Variants in IL10RA observed in about 807,000 individuals in gnomAD.
IL10RA encodes interleukin 10 receptor subunit alpha.
In IL10RA, 18 loss-of-function variants were observed where a neutral mutation model predicts 29.6. The observed-to-expected ratio is 0.61, with a 90% CI of 0.42 to 0.90. The LOEUF (loss-of-function observed/expected upper bound fraction) is 0.90. Among genes scored for constraint, IL10RA ranks in the 40% least tolerant of loss-of-function variants. The pLI is 0.00. For synonymous variants in IL10RA, 292 were observed against 294.1 expected (o/e 0.99, Z 0.07); for missense variants, 634 against 716.6 (o/e 0.88, Z 1.32).
At chr11:118,002,372 G>C (rs1209404950), downstream of IL10RA, 1 of 152,204 alleles carries the variant, frequency 6.6e-6, no homozygotes, top group Non-Finnish European at 1.5e-5. Flanking sequence ...AGGAAGTGCT[G>C]ATCCTATCAT....
chr11:118,001,320 T>C lies in IL10RA; in HGVS notation c.*1679T>C. The C allele has an allele frequency of 2.2e-6, 1 of 454,240 alleles. No individual in the cohort carries two copies. The highest frequency in any genetic ancestry group is 4.4e-6 in the Non-Finnish European group (1 of 226,828). 28.1% of individuals were successfully genotyped at this position (454,240 alleles called of 1,614,324 possible). The stretch of plus-strand genomic sequence containing the variant: ...GACCTTGGAGAAGTCACTTATCCTC[T>C]TGGAGCCTCAGTTTCCTCATCTGCA... On this transcript the variant is annotated 3_prime_UTR_variant, in exon 7 of 7. Coordinates refer to ENST00000227752, the MANE Select transcript of IL10RA (RefSeq NM_001558.4).
At chr11:117,987,070 A>C (rs563702755) in intron 1 of IL10RA, 15 of 362,650 alleles carry the variant, frequency 4.1e-5, no homozygotes, top group Non-Finnish European at 7.1e-5. Context: ...TCAGGCTTCT[A>C]ACCCAGTTCA....
intron 5 of IL10RA, among the ~76,000 whole-genome samples, chr11:117,994,568 G>C (rs560226251): frequency 2.6e-5 from 4 of 152,280 alleles, no homozygotes; most frequent in Non-Finnish European, 5.9e-5. Flanking sequence ...TCTGCTCCTC[G>C]CCAGAGCTGC....
chr11:117,986,715 A>C, intron 1 of IL10RA, 181 bp downstream of exon 1: 2 of 1,534,112 alleles, frequency 1.3e-6, no homozygotes, highest in Non-Finnish European at 1.7e-6. Flanking sequence ...AAGAGGCTGA[A>C]ATTGACAGGA....
At position 118,000,085 on chromosome 11, in the gene IL10RA, G is replaced by A. The variant is rs1031184076; in HGVS notation, c.*444G>A. 1.1e-5 allele frequency: 5 copies of A among 458,012 alleles called. No individual in the cohort carries two copies. Among genetic ancestry groups the A allele is most frequent in the African/African-American group, 6.0e-5 (3 of 50,114 alleles). The allele number at this position is 458,012 out of a possible 1,614,324, so 28.4% of individuals were successfully genotyped here. The stretch of plus-strand genomic sequence containing the variant: ...AGAGCTTCCAGCAGGAGGAAGGGCT[G>A]TAGGAATGGAAGCTTCAGGGCCTTG... On this transcript the variant is annotated 3_prime_UTR_variant, in exon 7 of 7. Coordinates refer to ENST00000227752, the MANE Select transcript of IL10RA (RefSeq NM_001558.4).
chr11:117,988,501 A>G lies in IL10RA; in HGVS notation c.187A>G (p.Arg63Gly), dbSNP rs772622916. 18 of 1,613,646 alleles carry G rather than the reference A, an allele frequency of 1.1e-5. No homozygotes were observed. In the East Asian group the frequency reaches 3.6e-4, roughly 32 times the overall value. ...ESTCYEVALL[R>G]YGIESWNSIS... ...TACCTGCTATGAAGTGGCGCTCCTG[A>G]GGTGAGGAAAAGGGAAGAGGGAGGG... Residue 63 changes from arginine to glycine, a missense_variant and splice_region_variant, in exon 2 of 7, where the codon AGG (arginine) becomes GGG (glycine). Coordinates refer to ENST00000227752, the MANE Select transcript of IL10RA (RefSeq NM_001558.4).
intron 6 of IL10RA, among the ~76,000 whole-genome samples, chr11:117,996,802 C>G (rs976425738): frequency 6.6e-6 from 1 of 152,148 alleles, no homozygotes; most frequent in Non-Finnish European, 1.5e-5. Context: ...AGGCTGGTCT[C>G]GAACTCCTGA....
chr11:118,001,771 T>C (rs2135001187), downstream of IL10RA: 1 of 228,676 alleles, frequency 4.4e-6, no homozygotes, highest in South Asian at 6.1e-5. Flanking sequence ...ACATAAAAAG[T>C]TTAACATGGT....
In IL10RA at chr11:117,999,418, C is replaced by T. The variant is rs772617783; in HGVS notation, c.1514C>T (p.Thr505Ile). The T allele has an allele frequency of 1.9e-6, 3 of 1,614,226 alleles. No homozygotes were observed. The highest frequency in any genetic ancestry group is 1.7e-6 in the Non-Finnish European group (2 of 1,180,044). ...GYLKQDPLEM[T>I]LASSGAPTGQ... is the part of the protein sequence containing the mutation. Reference sequence around the variant, plus strand: ...TTGAAACAGGATCCTCTAGAAATGACTCTGGCTTCCTCAGGGGCCCCAACG... The same window carrying T: ...TTGAAACAGGATCCTCTAGAAATGATTCTGGCTTCCTCAGGGGCCCCAACG... Residue 505 changes from threonine (T) to isoleucine (I), a missense_variant, in exon 7 of 7, where the codon ACT becomes ATT. By Grantham distance (89) the Thr-to-Ile change is moderately conservative (BLOSUM62 -1). Coordinates refer to ENST00000227752, the MANE Select transcript of IL10RA (RefSeq NM_001558.4).
intron 3 of IL10RA, among the ~76,000 whole-genome samples, chr11:117,992,705 C>T (rs1000964535): frequency 1.3e-5 from 2 of 152,046 alleles, no homozygotes; most frequent in African/African-American, 4.8e-5. Context: ...TGATGCAATC[C>T]CATTTGTCTA....
chr11:117,989,589 C>A lies in IL10RA; in HGVS notation c.336C>A (p.Thr112=). Residue 112 remains threonine (T), a synonymous_variant, in exon 3 of 7, where the codon ACC becomes ACA. Coordinates refer to ENST00000227752, the MANE Select transcript of IL10RA (RefSeq NM_001558.4). This position sits in a 1 kb window ranked among gnomAD's most constrained non-coding sequence, Gnocchi z 4.5. ...ACGGCAGCCGGCACTCCAACTGGAC[C>A]GTCACCAACACCCGCTTCTCTGTGG... ...AVDGSRHSNW[T]VTNTRFSVDE... 1 of 1,614,118 alleles carries A rather than the reference C, an allele frequency of 6.2e-7. No individual in the cohort carries two copies. Among genetic ancestry groups the A allele is most frequent in the Non-Finnish European group, 8.5e-7 (1 of 1,180,036 alleles).
At position 117,999,373 on chromosome 11, in the gene IL10RA, C is replaced by T. The variant is rs528675736; in HGVS notation, c.1469C>T (p.Pro490Leu). 2.5e-6 allele frequency: 4 copies of T among 1,614,196 alleles called. No homozygotes were observed. The South Asian group carries it at 4.4e-5, about 18-fold the overall frequency. ...GTTGATGAGGCAGGCTTGCATCCAC[C>T]AGCCCTGGCCAAGGGCTATTTGAAA... ...CLVDEAGLHP[P>L]ALAKGYLKQD... The change falls in exon 7 of 7, where the codon CCA becomes CTA. Residue 490 changes from proline (P) to leucine (L), a missense_variant. Transcript: ENST00000227752.
Position 117,999,939 on chromosome 11 carries a change from T to G in IL10RA, c.*298T>G. On this transcript the variant is annotated 3_prime_UTR_variant, in exon 7 of 7. Coordinates refer to ENST00000227752, the MANE Select transcript of IL10RA (RefSeq NM_001558.4). ...GGACCTTCTCCCTCCTAGGAACTCT[T>G]TCCTGTATCATAAAGGATTATTTGC... The G allele has an allele frequency of 1.7e-6, 1 of 577,580 alleles. No individual in the cohort carries two copies. The highest frequency in any genetic ancestry group is 3.3e-6 in the Non-Finnish European group (1 of 306,256). 35.8% of individuals were successfully genotyped at this position (577,580 alleles called of 1,614,324 possible).
rs2134998777 is a variant in IL10RA at position 118,000,252 on chromosome 11, G to A, written c.*611G>A. 1 of 454,222 alleles carries A rather than the reference G, an allele frequency of 2.2e-6. No homozygotes were observed. Among genetic ancestry groups the A allele is most frequent in the Non-Finnish European group, 4.4e-6 (1 of 226,788 alleles). The allele number at this position is 454,222 out of a possible 1,614,324, so 28.1% of individuals were successfully genotyped here. A position where few individuals can be genotyped will look rare whatever the true frequency, so the allele number is the denominator to read the frequency against. On this transcript the variant is annotated 3_prime_UTR_variant, in exon 7 of 7. Transcript: ENST00000227752. ...TCTGGACACTCAAACACATCATAAT[G>A]GATTCACTGAGGGGAGACAAAGGGA...
At chr11:117,996,235 G>A (rs1293836796) in intron 6 of IL10RA, among the ~76,000 whole-genome samples, 3 of 152,150 alleles carry the variant, frequency 2.0e-5, no homozygotes, top group Non-Finnish European at 4.4e-5. Context: ...GTGGGCCAGA[G>A]GAGAGAGGAC....
At chr11:117,988,143 C>T in intron 1 of IL10RA, 1 of 566,616 alleles carries the variant, frequency 1.8e-6, no homozygotes, top group Admixed American at 3.0e-5. Context: ...CTCAGCTTGG[C>T]TCTTCTCAGC....
At chr11:117,992,931 C>T in intron 3 of IL10RA, 1 of 380,226 alleles carries the variant, frequency 2.6e-6, no homozygotes, top group Non-Finnish European at 4.9e-6. Context: ...TTTCCCAACA[C>T]CATTTGTTGA....
chr11:117,986,574 TC>T, intron 1 of IL10RA, 40 bp downstream of exon 1: 4 of 1,549,430 alleles, frequency 2.6e-6, no homozygotes, highest in Non-Finnish European at 3.5e-6. Flanking sequence ...CCCTGCCCTC[TC>T]CGCGCCCGCT....
At chr11:117,996,470 G>T (rs2058057421) in intron 6 of IL10RA, among the ~76,000 whole-genome samples, 1 of 152,242 alleles carries the variant, frequency 6.6e-6, no homozygotes. Flanking sequence ...CTGGAGTTCA[G>T]GCCGCATTGA....
Sources: allele counts gnomAD v4.1 joint callset (sites outside exome capture counted in the v4.1 genomes callset), GRCh38; gene constraint gnomAD v4.1.1; non-coding constraint Gnocchi (gnomAD v3.1); transcripts MANE v1.5; gene names NCBI Gene and HGNC (gene_info 2026-07-23, HGNC 2026-07-21).